Variants in NLRP13 observed in about 807,000 individuals in gnomAD.
The protein encoded by NLRP13 is NLR family pyrin domain containing 13.
In NLRP13, 82 loss-of-function variants were observed where a neutral mutation model predicts 94.4. The observed-to-expected ratio is 0.87, with a 90% confidence interval of 0.73 to 1.04. NLRP13 has a LOEUF of 1.04. NLRP13 is among the 50% of genes least tolerant of loss of function. NLRP13 has a pLI of 0.00. For synonymous variants in NLRP13, 553 were observed against 464.7 expected (o/e 1.19, Z -2.45); for missense variants, 1,426 against 1,230.8 (o/e 1.16, Z -2.37).
intron 10 of NLRP13, among the ~76,000 whole-genome samples, chr19:55,897,128 T>C (rs1010413741): frequency 2.0e-5 from 3 of 152,138 alleles, no homozygotes; most frequent in African/African-American, 4.8e-5. Flanking sequence ...AATTTGAACA[T>C]AGGGTTGGCT....
chr19:55,912,348 C>T lies in NLRP13; in HGVS notation c.1469G>A (p.Gly490Glu). Residue 490 changes from glycine to glutamate, a missense_variant, in exon 5 of 11, where the codon GGG becomes GAG. Physicochemically the swap from Gly to Glu is moderately conservative, Grantham distance 98. Coordinates refer to ENST00000342929, the MANE Select transcript of NLRP13 (RefSeq NM_176810.2). ...AAACGTGAAGTTCATAGACCACAGC[C>T]CTTCTATGGCCAGACTGCAGAGGGC... ...WRALCSLAIEGLWSMNFTFNK... is the reference protein window; with the variant it reads ...WRALCSLAIEELWSMNFTFNK... The T allele has an allele frequency of 6.2e-7, 1 of 1,614,070 alleles. No homozygotes were observed. Among genetic ancestry groups the T allele is most frequent in the Non-Finnish European group, 8.5e-7 (1 of 1,179,998 alleles).
chr19:55,902,040 G>T lies in NLRP13; in HGVS notation c.2784C>A (p.Ser928Arg). 6.2e-7 allele frequency: 1 copy of T among 1,613,972 alleles called. No individual in the cohort carries two copies. The highest frequency in any genetic ancestry group is 8.5e-7 in the Non-Finnish European group (1 of 1,179,944). ...ALGRPDGNLQ[S>R]LNLSGCSFTR... ...AGGGAGCCAAGAAAACTTACTTCAG[G>T]CTCTGCAGGTTACCATCTGGGCGAC... is the stretch of plus-strand genomic sequence containing the variant. The change falls in exon 9 of 11, where the codon AGC becomes AGA. Residue 928 changes from serine (S) to arginine (R), a missense_variant. Transcript: ENST00000342929.
chr19:55,897,537 A>G (rs1986048506), intron 10 of NLRP13, among the ~76,000 whole-genome samples: 1 of 152,172 alleles, frequency 6.6e-6, no homozygotes, highest in African/African-American at 2.4e-5. Context: ...CCCTTCTTTT[A>G]GAAAGAAAAA....
chr19:55,923,375 C>T (rs574726938), intron 4 of NLRP13, among the ~76,000 whole-genome samples: 1 of 152,144 alleles, frequency 6.6e-6, no homozygotes, highest in South Asian at 2.1e-4. Context: ...GAGCTGAAGG[C>T]ATGGTTCTTA....
rs1986201333 is a variant in NLRP13 at position 55,902,173 on chromosome 19, C to G, written c.2651G>C (p.Cys884Ser). The G allele has an allele frequency of 6.2e-7, 1 of 1,613,892 alleles. No homozygotes were observed. Among genetic ancestry groups the G allele is most frequent in the South Asian group, 1.1e-5 (1 of 91,074 alleles). ...CAGGAGAGCATCTGACAAGTGCTTG[C>G]AAGCGGGTGCTGCCAGCTGGCAAAA... ...LWFCQLAAPA[C>S]KHLSDALLQN... is the part of the protein sequence containing the mutation. Residue 884 changes from cysteine to serine, a missense_variant, in exon 9 of 11, where the codon TGC (cysteine) becomes TCC (serine). By Grantham distance (112) the Cys-to-Ser change is moderately radical (BLOSUM62 -1). Coordinates refer to ENST00000342929, the MANE Select transcript of NLRP13 (RefSeq NM_176810.2).
Position 55,910,660 on chromosome 19 carries a change from G to A in NLRP13, c.2185C>T (p.His729Tyr), listed in dbSNP as rs1468525101. ...CSTLVTNENL[H>Y]ELDLSNSKLH... is the part of the protein sequence containing the mutation. ...TTGCTGTTACTCAGGTCTAGCTCAT[G>A]CAGATTCTCATTTGTGACCAACGTA... Residue 729 changes from histidine to tyrosine, a missense_variant, in exon 6 of 11, where the codon CAT (histidine) becomes TAT (tyrosine). Coordinates refer to ENST00000342929, the MANE Select transcript of NLRP13 (RefSeq NM_176810.2). 4.3e-6 allele frequency: 7 copies of A among 1,613,802 alleles called. No individual in the cohort carries two copies. The Admixed American group carries it at 8.3e-5, about 19-fold the overall frequency.
chr19:55,898,564 C>T (rs302825), intron 10 of NLRP13, among the ~76,000 whole-genome samples: 99,999 of 151,886 alleles, frequency 0.66, 35,127 homozygotes, highest in South Asian at 0.81. Context: ...AGGCTGCTCT[C>T]GAACTCCTGA....
rs1986531698 is a variant in NLRP13 at position 55,912,011 on chromosome 19, A to G, written c.1806T>C (p.Asp602=). 6.2e-7 allele frequency: 1 copy of G among 1,614,122 alleles called. No individual in the cohort carries two copies. Among genetic ancestry groups the G allele is most frequent in the Non-Finnish European group, 8.5e-7 (1 of 1,180,038 alleles). ...TGGGAGATATTTTACAATGCAAAGT[A>G]TCTTCCAGTTCTCTTGCTATGTTTT... The part of the protein sequence containing the change: ...LNKNIARELE[D]TLHCKISPRV... The change falls in exon 5 of 11, where the codon GAT becomes GAC. Residue 602 remains aspartate (D), a synonymous_variant. Transcript: ENST00000342929.
At chr19:55,929,768 T>A (rs962376809) in intron 1 of NLRP13, among the ~76,000 whole-genome samples, 1 of 151,620 alleles carries the variant, frequency 6.6e-6, no homozygotes, top group Non-Finnish European at 1.5e-5. Flanking sequence ...AAACTTGAAG[T>A]ATAATAAAAA....
At chr19:55,905,312 C>G (rs182441626) in intron 7 of NLRP13, among the ~76,000 whole-genome samples, 200 bp from the exon 8 acceptor site, 2 of 151,654 alleles carry the variant, frequency 1.3e-5, no homozygotes, top group African/African-American at 4.8e-5. Flanking sequence ...GAGGCCAAGG[C>G]GGGTGGATCA....
rs774572718 is a variant in NLRP13 at position 55,913,186 on chromosome 19, C to T, written c.631G>A (p.Glu211Lys). The T allele has an allele frequency of 5.6e-6, 9 of 1,613,954 alleles. No homozygotes were observed. The highest frequency in any genetic ancestry group is 1.3e-5 in the African/African-American group (1 of 74,888). ...HVYIRNTSKD[E>K]HEELQRLLDP... is the part of the protein sequence containing the mutation. ...AGTAGGCGCTGCAGTTCCTCATGTT[C>T]GTCCTTTGATGTATTACGGATATAT... The change falls in exon 5 of 11, where the codon GAA (glutamate) becomes AAA (lysine). Residue 211 changes from glutamate to lysine, a missense_variant. By Grantham distance (56) the Glu-to-Lys change is moderately conservative (BLOSUM62 1). Coordinates refer to ENST00000342929, the MANE Select transcript of NLRP13 (RefSeq NM_176810.2).
At chr19:55,926,264 G>A (rs1229722187) in intron 1 of NLRP13, among the ~76,000 whole-genome samples, 2 of 152,222 alleles carry the variant, frequency 1.3e-5, no homozygotes, top group African/African-American at 4.8e-5. Flanking sequence ...GGGACCACCT[G>A]TCAGAAAAGC....
rs376929098 is a variant in NLRP13, at chr19:55,912,935, G to A, written c.882C>T (p.Ala294=). Residue 294 remains alanine, a synonymous_variant, in exon 5 of 11, where the codon GCC becomes GCT. Transcript: ENST00000342929. ...LISLDWPDFD[A]PIEEFMSQPE... ...GTTGAGACATGAACTCTTCAATGGG[G>A]GCATCAAAATCGGGCCAATCCAAAG... The A allele has an allele frequency of 1.9e-6, 3 of 1,613,960 alleles. No homozygotes were observed. The highest frequency in any genetic ancestry group is 2.7e-5 in the African/African-American group (2 of 75,028).
In NLRP13 at chr19:55,912,527, G is replaced by A. The variant is rs303998; in HGVS notation, c.1290C>T (p.Thr430=). Residue 430 remains threonine (T), a synonymous_variant, in exon 5 of 11, where the codon ACC becomes ACT. Coordinates refer to ENST00000342929, the MANE Select transcript of NLRP13 (RefSeq NM_176810.2). ...HSCSAPMVCW[T]VCSCLKQPKV... The stretch of plus-strand genomic sequence containing the variant: ...TCGGCTGCTTCAGACAGGAACATAC[G>A]GTCCAACACACCATGGGGGCACTGC... 0.61 allele frequency: 977,739 copies of A among 1,613,780 alleles called. 297,935 individuals carry two copies. The highest frequency in any genetic ancestry group is 0.71 in the East Asian group (31,721 of 44,862).
chr19:55,911,180 A>G (rs1986498981), intron 5 of NLRP13, among the ~76,000 whole-genome samples: 1 of 152,248 alleles, frequency 6.6e-6, no homozygotes, highest in Admixed American at 6.5e-5. Flanking sequence ...TGTTAGAGCC[A>G]TGGTTCCCAA....
intron 6 of NLRP13, among the ~76,000 whole-genome samples, chr19:55,910,273 T>C (rs1339668212): frequency 1.3e-5 from 2 of 152,288 alleles, no homozygotes; most frequent in South Asian, 4.1e-4. Flanking sequence ...CACCATACCC[T>C]CGAAGTTTTC....
intron 2 of NLRP13, 57 bp from the exon 3 acceptor site, chr19:55,924,715 C>T: frequency 6.7e-7 from 1 of 1,488,246 alleles, no homozygotes; most frequent in Non-Finnish European, 9.4e-7. Context: ...AATGGGCCAG[C>T]AATAATGGAA....
chr19:55,912,273 G>T lies in NLRP13; in HGVS notation c.1544C>A (p.Ser515Tyr). 1 of 1,614,078 alleles carries T rather than the reference G, an allele frequency of 6.2e-7. No homozygotes were observed. Among genetic ancestry groups the T allele is most frequent in the Non-Finnish European group, 8.5e-7 (1 of 1,179,976 alleles). ...TTGAAGAATATTGAACTCGTAGAGAGAATCAATGAAAGGCACTTCCAGGCC... is the reference window on the plus strand; with the variant it reads ...TTGAAGAATATTGAACTCGTAGAGATAATCAATGAAAGGCACTTCCAGGCC... The part of the protein sequence containing the change: ...IEGLEVPFID[S>Y]LYEFNILQKI... The change falls in exon 5 of 11, where the codon TCT (serine) becomes TAT (tyrosine). Residue 515 changes from serine to tyrosine, a missense_variant. Ser to Tyr is a moderately radical substitution (Grantham distance 144). Transcript: ENST00000342929.
At chr19:55,908,009 A>C (rs1218656935) in intron 6 of NLRP13, 53 bp from the exon 7 acceptor site, 1 of 1,529,062 alleles carries the variant, frequency 6.5e-7, no homozygotes, top group Non-Finnish European at 8.9e-7. Context: ...ACTGGTTTCC[A>C]GGATCCCGTC....
Sources: allele counts gnomAD v4.1 joint callset (sites outside exome capture counted in the v4.1 genomes callset), GRCh38; gene constraint gnomAD v4.1.1; transcripts MANE v1.5; gene names NCBI Gene and HGNC (gene_info 2026-07-23, HGNC 2026-07-21).